Variants in NOL10 observed in about 807,000 individuals in gnomAD.
NOL10 encodes H_NH0074G24.1.
A neutral mutation model predicts 103.5 loss-of-function variants in NOL10; 58 were observed. The observed-to-expected ratio is 0.56, with a 90% CI of 0.45 to 0.70. NOL10 has a LOEUF of 0.70. NOL10 is among the 30% of genes least tolerant of loss of function. NOL10 has a pLI of 0.00. For missense variants in NOL10, 763 were observed against 807.3 expected, an observed-to-expected ratio of 0.95 and a Z score of 0.67; for synonymous variants, 287 against 282.5, an observed-to-expected ratio of 1.02 and a Z score of -0.16.
intron 4 of NOL10, 47 bp from the exon 5 acceptor site, chr2:10,673,604 T>C: frequency 3.1e-6 from 4 of 1,298,326 alleles, no homozygotes; most frequent in African/African-American, 1.5e-5. Flanking sequence ...ACAATATTCT[T>C]AGTAACAACG....
At position 10,684,574 on chromosome 2, in the gene NOL10, T is replaced by C. The variant is rs1682018870; in HGVS notation, c.105A>G (p.Lys35=). 2 of 1,575,418 alleles carry C rather than the reference T, an allele frequency of 1.3e-6. No individual in the cohort carries two copies. Among genetic ancestry groups the C allele is most frequent in the East Asian group, 2.3e-5 (1 of 43,676 alleles). ...SDRKKRALQK[K]DVDVRRRIEL... Reference sequence around the variant, plus strand: ...GGAAAAAACAATACTCACCTACATCTTTCTTCTGTAGCGCTCTCTTCTTCC... The same window carrying C: ...GGAAAAAACAATACTCACCTACATCCTTCTTCTGTAGCGCTCTCTTCTTCC... The change falls in exon 2 of 21, where the codon AAA becomes AAG. Residue 35 remains lysine (K), a synonymous_variant. Transcript: ENST00000381685.
At chr2:10,682,316 G>C (rs1374123185) in intron 2 of NOL10, among the ~76,000 whole-genome samples, 1 of 151,382 alleles carries the variant, frequency 6.6e-6, no homozygotes. Context: ...AAAAAAAGTA[G>C]CATCATTAAT....
intron 20 of NOL10, among the ~76,000 whole-genome samples, chr2:10,575,898 G>A (rs192457947): frequency 1.2e-4 from 18 of 152,336 alleles, no homozygotes; most frequent in Admixed American, 1.2e-3. Flanking sequence ...CTCTGAATGT[G>A]TATTTGGCTT....
intron 19 of NOL10, among the ~76,000 whole-genome samples, chr2:10,582,834 A>T (rs1291345759): frequency 6.6e-6 from 1 of 152,018 alleles, no homozygotes; most frequent in Non-Finnish European, 1.5e-5. Context: ...AACAAATCAC[A>T]TCTCTCAAGT....
At chr2:10,672,587 A>G (rs1681021167) in intron 5 of NOL10, among the ~76,000 whole-genome samples, 2 of 152,256 alleles carry the variant, frequency 1.3e-5, no homozygotes, top group Admixed American at 1.3e-4. Flanking sequence ...AAGCCATGTC[A>G]GCTAAGAAAA....
intron 1 of NOL10, among the ~76,000 whole-genome samples, chr2:10,686,875 T>A (rs1682249893): frequency 7.3e-6 from 1 of 137,476 alleles, no homozygotes; most frequent in Non-Finnish European, 1.7e-5. Context: ...GGTGTTCTAC[T>A]TTGGACAAGT....
At chr2:10,618,882 T>C (rs1331407224) in intron 13 of NOL10, among the ~76,000 whole-genome samples, 5 of 152,194 alleles carry the variant, frequency 3.3e-5, no homozygotes, top group Admixed American at 6.5e-5. Context: ...AACAAAAATA[T>C]ATACAAAATC....
Position 10,635,005 on chromosome 2 carries a change from C to T in NOL10, c.1026+9315G>A, listed in dbSNP as rs561911721. The stretch of plus-strand genomic sequence containing the variant: ...AGCCTGTTTCTAAAATGCTTGAGAT[C>T]AGAAGGATTTTAAATTTTTGATTTT... On this transcript the variant is annotated intron_variant, in intron 13 of 20. Transcript: ENST00000381685. Among the ~76,000 whole-genome samples the T allele has an allele frequency of 3.3e-5, 5 of 152,070 alleles. No homozygotes were observed. In the South Asian group the frequency reaches 1.0e-3, roughly 32 times the overall value.
chr2:10,634,887 T>TA (rs1296994953), intron 13 of NOL10, among the ~76,000 whole-genome samples: 1 of 152,178 alleles, frequency 6.6e-6, no homozygotes, highest in Non-Finnish European at 1.5e-5. Context: ...CACTTGGAGA[T>TA]AAAGTAAAAT....
At chr2:10,638,291 A>G (rs1264416868) in intron 13 of NOL10, among the ~76,000 whole-genome samples, 1 of 148,044 alleles carries the variant, frequency 6.8e-6, no homozygotes, top group Non-Finnish European at 1.5e-5. Context: ...TCTCATTCAA[A>G]AATAACGTAA....
intron 19 of NOL10, among the ~76,000 whole-genome samples, chr2:10,578,202 C>G (rs1475375093): frequency 6.6e-6 from 1 of 152,176 alleles, no homozygotes; most frequent in African/African-American, 2.4e-5. Context: ...CAAATTAAGT[C>G]CTCCAGGTCA....
chr2:10,669,672 T>C (rs1395639172), intron 6 of NOL10, among the ~76,000 whole-genome samples: 1 of 150,824 alleles, frequency 6.6e-6, no homozygotes, highest in Non-Finnish European at 1.5e-5. Flanking sequence ...GGTGGGCGGA[T>C]CACGAGGTCA....
chr2:10,681,098 C>G (rs1681724604), intron 3 of NOL10, among the ~76,000 whole-genome samples: 1 of 152,086 alleles, frequency 6.6e-6, no homozygotes, highest in Admixed American at 6.6e-5. Context: ...CTCAAAAATT[C>G]CACTCCTAGG....
At position 10,684,547 on chromosome 2, in the gene NOL10, T is replaced by TG; in HGVS notation, c.112+19dup. The TG allele has an allele frequency of 1.3e-6, 2 of 1,560,366 alleles. No homozygotes were observed. The highest frequency in any genetic ancestry group is 1.7e-6 in the Non-Finnish European group (2 of 1,149,270). ...ACATGGATCACTAACGCAGCTGAAG[T>TG]GGGAAAAAACAATACTCACCTACAT... On this transcript the variant is annotated intron_variant, in intron 2 of 20. Transcript: ENST00000381685.
At chr2:10,636,420 CAAAAAAAAAAAAAAAA>C (rs70953327) in intron 13 of NOL10, among the ~76,000 whole-genome samples, 2 of 54,696 alleles carry the variant, frequency 3.7e-5, no homozygotes, top group South Asian at 2.1e-3. Context: ...TACAAAAAAC[CAAAAAAAAAAAAAAAA>C]AAAAAAAAAA....
chr2:10,661,977 G>A (rs1301686620), intron 9 of NOL10, among the ~76,000 whole-genome samples: 1 of 151,586 alleles, frequency 6.6e-6, no homozygotes, highest in Non-Finnish European at 1.5e-5. Context: ...CTATGCTTGT[G>A]TTCACTGTTT....
intron 19 of NOL10, among the ~76,000 whole-genome samples, chr2:10,586,619 C>T (rs1675034022): frequency 6.6e-6 from 1 of 152,142 alleles, no homozygotes; most frequent in African/African-American, 2.4e-5. Flanking sequence ...CTCCCTTCCA[C>T]TTCCTCCTCT....
rs186014955 is a variant in NOL10, at chr2:10,634,383, C to T, written c.1026+9937G>A. Reference sequence around the variant, plus strand: ...CTCCTGCGCTCTAAGCCTAGACAGCCGAGTGAGCAACAACAAGGCTTCAGC... The same window carrying T: ...CTCCTGCGCTCTAAGCCTAGACAGCTGAGTGAGCAACAACAAGGCTTCAGC... On this transcript the variant is annotated intron_variant, in intron 13 of 20. Transcript: ENST00000381685. Among the ~76,000 whole-genome samples the T allele has an allele frequency of 2.1e-3, 327 of 152,236 alleles. 2 individuals are homozygous for T. The highest frequency in any genetic ancestry group is 7.6e-3 in the African/African-American group (315 of 41,534).
intron 13 of NOL10, among the ~76,000 whole-genome samples, chr2:10,623,271 T>G (rs180733124): frequency 6.6e-6 from 1 of 151,980 alleles, no homozygotes; most frequent in East Asian, 2.0e-4. Context: ...TCTCCAGTCT[T>G]ACCGGAGAAG....
Sources: gnomAD v4.1 joint callset for allele counts (sites outside exome capture counted in the v4.1 genomes callset) on GRCh38, gnomAD v4.1.1 for gene constraint, MANE v1.5 for transcripts, NCBI Gene and HGNC (gene_info 2026-07-23, HGNC 2026-07-21) for gene names.